Variants in HDAC4 observed in about 807,000 individuals in gnomAD.
The protein encoded by HDAC4 is histone deacetylase 4.
HDAC4 carries 16 observed loss-of-function variants against 135.1 expected under a neutral mutation model. That is an observed-to-expected ratio of 0.12 (90% confidence interval 0.08 to 0.18). The LOEUF is 0.18. Among genes scored for constraint, HDAC4 ranks in the 10% least tolerant of loss-of-function variants. The pLI, the probability that HDAC4 is intolerant of heterozygous loss-of-function variation, is 1.00. For missense variants in HDAC4, 1,143 were observed against 1,511.8 expected, an observed-to-expected ratio of 0.76 and a Z score of 4.05; for synonymous variants, 685 against 653.4, an observed-to-expected ratio of 1.05 and a Z score of -0.74.
At chr2:239,249,576 C>T (rs547204870) in intron 2 of HDAC4, among the ~76,000 whole-genome samples, 1 of 152,130 alleles carries the variant, frequency 6.6e-6, no homozygotes, top group South Asian at 2.1e-4. Flanking sequence ...TACTTTGTGA[C>T]TTTCTCAGGA....
intron 9 of HDAC4, among the ~76,000 whole-genome samples, chr2:239,138,291 A>G (rs2041112466): frequency 6.6e-6 from 1 of 152,238 alleles, no homozygotes; most frequent in African/African-American, 2.4e-5. Context: ...CTGGAGACAA[A>G]GGGCAAAATT....
intron 1 of HDAC4, among the ~76,000 whole-genome samples, chr2:239,379,920 T>C (rs1313820225): frequency 6.6e-6 from 1 of 152,074 alleles, no homozygotes; most frequent in Non-Finnish European, 1.5e-5. Flanking sequence ...AGTGGAATGC[T>C]CCGGACCTGG....
chr2:239,151,451 G>A (rs1339255152), intron 7 of HDAC4, among the ~76,000 whole-genome samples: 1 of 152,166 alleles, frequency 6.6e-6, no homozygotes, highest in Non-Finnish European at 1.5e-5. Flanking sequence ...GCACATCTAA[G>A]CAATGGATGG....
chr2:239,324,315 G>C (rs972790353), intron 2 of HDAC4, among the ~76,000 whole-genome samples: 1 of 152,186 alleles, frequency 6.6e-6, no homozygotes, highest in Non-Finnish European at 1.5e-5. Flanking sequence ...TCACCAGTGC[G>C]AACTTAACAT....
At chr2:239,334,706 T>A (rs1276992078) in intron 2 of HDAC4, among the ~76,000 whole-genome samples, 1 of 151,988 alleles carries the variant, frequency 6.6e-6, no homozygotes, top group African/African-American at 2.4e-5. Flanking sequence ...GGTATTCTGT[T>A]GAAATTGAAA....
chr2:239,330,928 C>T (rs185500610), intron 2 of HDAC4, among the ~76,000 whole-genome samples: 113 of 152,338 alleles, frequency 7.4e-4, no homozygotes, highest in Admixed American at 1.8e-3. Flanking sequence ...CCAAAAAGGC[C>T]ACTGAAGAGG....
chr2:239,201,992 G>A (rs1055616040), intron 3 of HDAC4, among the ~76,000 whole-genome samples: 1 of 152,300 alleles, frequency 6.6e-6, no homozygotes, highest in East Asian at 1.9e-4. Flanking sequence ...GAGAAGGGTG[G>A]TCCCTGCAGT....
intron 12 of HDAC4, among the ~76,000 whole-genome samples, chr2:239,124,676 G>A (rs889743138): frequency 1.1e-4 from 15 of 134,780 alleles, no homozygotes; most frequent in Admixed American, 1.5e-4. Context: ...GTGTGCCGGC[G>A]TGTGGCCGCG....
At chr2:239,142,720 G>A (rs1321991431) in intron 8 of HDAC4, among the ~76,000 whole-genome samples, 1 of 151,058 alleles carries the variant, frequency 6.6e-6, no homozygotes, top group South Asian at 2.1e-4. Flanking sequence ...ACTCCTGGGT[G>A]AGCTTAGCAC....
In HDAC4 at chr2:239,144,650, G is replaced by A. The variant is rs2041632384; in HGVS notation, c.798C>T (p.Ser266=). 1.9e-5 allele frequency: 30 copies of A among 1,614,156 alleles called. No individual in the cohort carries two copies. The highest frequency in any genetic ancestry group is 2.5e-5 in the Non-Finnish European group (30 of 1,179,968). The change falls in exon 8 of 27, where the codon AGC becomes AGT. Residue 266 remains serine (S), a synonymous_variant. Coordinates refer to ENST00000543185, the MANE Select transcript of HDAC4 (RefSeq NM_001378414.1). ...LKQKVAERRS[S]PLLRRKDGPV... is the part of the protein sequence containing the mutation. ...GCCCGTCTTTCCTGCGTAACAGGGG[G>A]CTGCTCCGTCTTTCGGCCACTTTCT...
intron 22 of HDAC4, among the ~76,000 whole-genome samples, chr2:239,072,126 T>C (rs2152631059): frequency 6.6e-6 from 1 of 152,326 alleles, no homozygotes; most frequent in Non-Finnish European, 1.5e-5. Flanking sequence ...ACTGTAAACT[T>C]GCTGTTTGTT....
intron 1 of HDAC4, among the ~76,000 whole-genome samples, chr2:239,376,480 T>C (rs1352508505): frequency 6.7e-6 from 1 of 149,616 alleles, no homozygotes; most frequent in Admixed American, 6.7e-5. Flanking sequence ...GCCCCAGATG[T>C]CACCACCGCG....
At chr2:239,179,817 C>T (rs1376807289) in intron 4 of HDAC4, among the ~76,000 whole-genome samples, 4 of 152,370 alleles carry the variant, frequency 2.6e-5, no homozygotes, top group Non-Finnish European at 5.9e-5. Flanking sequence ...ACGCGGCGTG[C>T]TCAGGGTGGG....
At chr2:239,066,582 A>G in intron 24 of HDAC4, 140 bp downstream of exon 24, 1 of 1,075,544 alleles carries the variant, frequency 9.3e-7, no homozygotes, top group Non-Finnish European at 1.4e-6. Flanking sequence ...GGTGGGGGGC[A>G]GGTGCAAGGC....
chr2:239,103,948 G>T (rs1249510285), intron 15 of HDAC4, among the ~76,000 whole-genome samples: 5 of 152,268 alleles, frequency 3.3e-5, no homozygotes, highest in Non-Finnish European at 5.9e-5. Flanking sequence ...GGGCAGGTGC[G>T]CTGGGCAGGG....
intron 1 of HDAC4, among the ~76,000 whole-genome samples, chr2:239,394,976 G>A (rs544733417): frequency 6.6e-6 from 1 of 152,362 alleles, no homozygotes; most frequent in East Asian, 1.9e-4. Context: ...TGCACAATGG[G>A]ATGCTGTTAG....
chr2:239,171,711 G>C (rs967412499), intron 5 of HDAC4, among the ~76,000 whole-genome samples: 1 of 152,102 alleles, frequency 6.6e-6, no homozygotes, highest in Non-Finnish European at 1.5e-5. Context: ...GCACATTAAA[G>C]AAGAACTTCA....
intron 8 of HDAC4, among the ~76,000 whole-genome samples, chr2:239,143,132 C>T (rs553166281): frequency 2.0e-4 from 30 of 152,348 alleles, no homozygotes; most frequent in African/African-American, 7.2e-4. Context: ...CTCTGTCTCA[C>T]TATTTTTGCG....
At chr2:239,236,379 A>G (rs1434257560) in intron 3 of HDAC4, among the ~76,000 whole-genome samples, 2 of 152,224 alleles carry the variant, frequency 1.3e-5, no homozygotes, top group East Asian at 3.8e-4. Flanking sequence ...ACAAAAAATC[A>G]GCATTTCTCT....
Sources: gnomAD v4.1 joint callset for allele counts (sites outside exome capture counted in the v4.1 genomes callset) on GRCh38, gnomAD v4.1.1 for gene constraint, MANE v1.5 for transcripts, NCBI Gene and HGNC (gene_info 2026-07-23, HGNC 2026-07-21) for gene names.